Variants in PPIL2 observed in about 807,000 individuals in gnomAD.
PPIL2 encodes the protein peptidylprolyl isomerase like 2.
Under a neutral mutation model 75.2 loss-of-function variants are expected in PPIL2, and 50 were observed. The ratio of observed to expected loss-of-function variants is 0.66; its 90% CI spans 0.53 to 0.84. The LOEUF (loss-of-function observed/expected upper bound fraction) is 0.84, where lower values mean the gene tolerates loss of function less well. Among genes scored for constraint, PPIL2 ranks in the 40% least tolerant of loss-of-function variants. PPIL2 has a pLI of 0.00. For synonymous variants in PPIL2, 245 were observed against 258.8 expected (o/e 0.95, Z 0.51); for missense variants, 590 against 685.0 (o/e 0.86, Z 1.55).
intron 7 of PPIL2, among the ~76,000 whole-genome samples, chr22:21,682,061 G>T (rs1210330400): frequency 6.6e-6 from 1 of 152,248 alleles, no homozygotes; most frequent in Non-Finnish European, 1.5e-5. Context: ...CGCACCGCAG[G>T]AGTGCAGGCA....
chr22:21,671,142 T>A, intron 4 of PPIL2, 83 bp downstream of exon 4: 1 of 1,377,590 alleles, frequency 7.3e-7, no homozygotes, highest in Non-Finnish European at 1.0e-6. Flanking sequence ...TACCCTTGGG[T>A]AGGGCTCTTG....
intron 2 of PPIL2, chr22:21,670,308 C>T (rs937253043): frequency 3.4e-6 from 5 of 1,489,380 alleles, no homozygotes; most frequent in Non-Finnish European, 4.5e-6. Flanking sequence ...GCTGTCAAAA[C>T]TATCAAGACT....
At chr22:21,680,360 C>T (rs1375375491) in intron 6 of PPIL2, among the ~76,000 whole-genome samples, 2 of 152,110 alleles carry the variant, frequency 1.3e-5, no homozygotes, top group Admixed American at 1.3e-4. Context: ...AACACTGTCT[C>T]TACTAAAAAT....
chr22:21,688,747 G>C lies in PPIL2; in HGVS notation c.1037G>C (p.Trp346Ser), dbSNP rs1003918789. The C allele has an allele frequency of 1.9e-6, 3 of 1,614,188 alleles. No individual in the cohort carries two copies. The highest frequency in any genetic ancestry group is 2.2e-5 in the East Asian group (1 of 44,882). Residue 346 changes from tryptophan (W) to serine (S), a missense_variant, in exon 15 of 20, where the codon TGG becomes TCG. Trp to Ser is a radical substitution (Grantham distance 177, BLOSUM62 -3). Transcript: ENST00000398831. ...TCTCTTCCAGGTGGGGAGTCATACTGGGGGAAGCCCTTCAAAGACGAGTTC... is the reference window on the plus strand; with the variant it reads ...TCTCTTCCAGGTGGGGAGTCATACTCGGGGAAGCCCTTCAAAGACGAGTTC... The part of the protein sequence containing the change: ...TGTGTGGESY[W>S]GKPFKDEFRP...
At chr22:21,680,646 G>A (rs1241923172) in intron 6 of PPIL2, among the ~76,000 whole-genome samples, 2 of 151,748 alleles carry the variant, frequency 1.3e-5, no homozygotes, top group African/African-American at 4.8e-5. Context: ...TGGCTAACAT[G>A]GTGAAACCCC....
Position 21,686,469 on chromosome 22 carries a change from G to A in PPIL2, c.715-14G>A. ...CATGGCACTGCTGAGGTGCCACCCT[G>A]GTTTCCTTGGCAGGCCCACTATTCC... On this transcript the variant is annotated splice_polypyrimidine_tract_variant and intron_variant, in intron 10 of 19. Transcript: ENST00000398831. 1.2e-6 allele frequency: 2 copies of A among 1,613,614 alleles called. No individual in the cohort carries two copies. Among genetic ancestry groups the A allele is most frequent in the Non-Finnish European group, 1.7e-6 (2 of 1,179,618 alleles).
intron 13 of PPIL2, 32 bp from the exon 14 acceptor site, chr22:21,688,041 T>A (rs778821948): frequency 1.2e-6 from 2 of 1,613,854 alleles, no homozygotes; most frequent in Non-Finnish European, 1.7e-6. Flanking sequence ...GGTCTCAGAG[T>A]GTGACTTGCT....
chr22:21,694,449 C>T, intron 16 of PPIL2, 144 bp from the exon 17 acceptor site: 1 of 835,096 alleles, frequency 1.2e-6, no homozygotes, highest in South Asian at 1.6e-5. Context: ...TTGCCACTCC[C>T]TCTCATCGCC....
At position 21,686,445 on chromosome 22, in the gene PPIL2, A is replaced by G. The variant is rs769813227; in HGVS notation, c.715-38A>G. On this transcript the variant is annotated intron_variant, in intron 10 of 19. Transcript: ENST00000398831. ...ACACGTCCCCACCCAACTGCCTCCC[A>G]TGGCACTGCTGAGGTGCCACCCTGG... 10 of 1,585,720 alleles carry G rather than the reference A, an allele frequency of 6.3e-6. No individual in the cohort carries two copies. In the African/African-American group the frequency reaches 8.1e-5, roughly 13 times the overall value.
At chr22:21,689,208 C>T (rs756458314) in intron 15 of PPIL2, among the ~76,000 whole-genome samples, 4 of 152,128 alleles carry the variant, frequency 2.6e-5, no homozygotes, top group Admixed American at 6.5e-5. Flanking sequence ...CAGGGAGAGG[C>T]GCCTGGAGAG....
rs1021507515 is a variant in PPIL2, at chr22:21,693,730, A to T, written c.1140-86A>T. The T allele has an allele frequency of 2.0e-5, 26 of 1,331,066 alleles. No individual in the cohort carries two copies. In the Admixed American group the frequency reaches 4.4e-4, roughly 23 times the overall value. 82.5% of individuals were successfully genotyped at this position (1,331,066 alleles called of 1,614,324 possible). ...TGCAGGTTCCCAGAGCTGGCTGTAG[A>T]GGGTGGGCAGCTCCTGGTGTGCTCT... On this transcript the variant is annotated intron_variant, in intron 15 of 19. Transcript: ENST00000398831.
chr22:21,669,115 CT>C (rs2066519826), intron 1 of PPIL2, among the ~76,000 whole-genome samples: 1 of 151,190 alleles, frequency 6.6e-6, no homozygotes, highest in Non-Finnish European at 1.5e-5. Flanking sequence ...TCCCAAAGTG[CT>C]GGGATTATAG....
At chr22:21,670,785 C>A in intron 3 of PPIL2, 174 bp downstream of exon 3, 2 of 869,604 alleles carry the variant, frequency 2.3e-6, no homozygotes, top group South Asian at 1.5e-5. Flanking sequence ...AGGAGCTTGC[C>A]TTGGTGTTGG....
At chr22:21,680,691 A>G (rs1401705684) in intron 6 of PPIL2, among the ~76,000 whole-genome samples, 1 of 151,074 alleles carries the variant, frequency 6.6e-6, no homozygotes, top group Non-Finnish European at 1.5e-5. Flanking sequence ...TTAGCCGGGC[A>G]TGATGGCAGG....
intron 7 of PPIL2, 32 bp downstream of exon 7, chr22:21,681,422 G>A (rs756661362): frequency 2.3e-5 from 36 of 1,549,580 alleles, no homozygotes; most frequent in Non-Finnish European, 2.9e-5. Context: ...TGGAGACAGC[G>A]GTGGGGAGAT....
At position 21,695,061 on chromosome 22, in the gene PPIL2, C is replaced by G; in HGVS notation, c.1457C>G (p.Pro486Arg). The G allele has an allele frequency of 6.2e-7, 1 of 1,607,274 alleles. No individual in the cohort carries two copies. The highest frequency in any genetic ancestry group is 8.5e-7 in the Non-Finnish European group (1 of 1,179,082). Reference protein sequence around the residue: ...FRQGVGKYINPAATKRAAEEE... With the variant: ...FRQGVGKYINRAATKRAAEEE... Reference sequence around the variant, plus strand: ...CAGGGCGTGGGCAAGTACATCAACCCAGCAGCCACGTGAGTGCCGCGGGGC... The same window carrying G: ...CAGGGCGTGGGCAAGTACATCAACCGAGCAGCCACGTGAGTGCCGCGGGGC... Residue 486 changes from proline (P) to arginine (R), a missense_variant, in exon 19 of 20, where the codon CCA becomes CGA. Physicochemically the swap from Pro to Arg is moderately radical, Grantham distance 103 (BLOSUM62 -2). Coordinates refer to ENST00000398831, the MANE Select transcript of PPIL2 (RefSeq NM_014337.4).
At chr22:21,671,531 G>A (rs951988483) in intron 4 of PPIL2, among the ~76,000 whole-genome samples, 4 of 151,930 alleles carry the variant, frequency 2.6e-5, no homozygotes, top group Non-Finnish European at 4.4e-5. Flanking sequence ...TTTTTTCCCC[G>A]TGTGATTCAG....
Position 21,696,578 on chromosome 22 carries a change from C to T in PPIL2, c.*1088C>T. On this transcript the variant is annotated 3_prime_UTR_variant, in exon 20 of 20. Transcript: ENST00000398831. ...GCTTTTTCTTCGTCTTCAGCCCAGG[C>T]CAGTGGTCAGTGTTCTCATGTCATG... The T allele has an allele frequency of 7.0e-7, 1 of 1,431,664 alleles. No homozygotes were observed. Among genetic ancestry groups the T allele is most frequent in the Non-Finnish European group, 9.1e-7 (1 of 1,094,250 alleles). The allele number at this position is 1,431,664 out of a possible 1,614,324, so 88.7% of individuals were successfully genotyped here.
At position 21,692,721 on chromosome 22, in the gene PPIL2, T is replaced by C. The variant is rs189587736; in HGVS notation, c.1140-1095T>C. Reference sequence around the variant, plus strand: ...CAGGTGGATCACAAGGTCAAGAGATTGAGACCATCCTGGCTAACACAGTGA... The same window carrying C: ...CAGGTGGATCACAAGGTCAAGAGATCGAGACCATCCTGGCTAACACAGTGA... On this transcript the variant is annotated intron_variant, in intron 15 of 19. Transcript: ENST00000398831. Among the ~76,000 whole-genome samples the C allele has an allele frequency of 8.1e-3, 1,228 of 151,278 alleles. 27 individuals are homozygous for C. Among genetic ancestry groups the C allele is most frequent in the African/African-American group, 0.028 (1,174 of 41,318 alleles).
Sources: allele counts gnomAD v4.1 joint callset (sites outside exome capture counted in the v4.1 genomes callset), GRCh38; gene constraint gnomAD v4.1.1; transcripts MANE v1.5; gene names NCBI Gene and HGNC (gene_info 2026-07-23, HGNC 2026-07-21).